The following CDK14 variants were observed in gnomAD, a reference collection of about 807,000 sequenced individuals.
The protein encoded by CDK14 is cyclin-dependent kinase 14.
Under a neutral mutation model 60.7 loss-of-function variants are expected in CDK14, and 34 were observed. The observed-to-expected ratio is 0.56, with a 90% confidence interval of 0.43 to 0.75. CDK14 has a LOEUF of 0.75. Among genes scored for constraint, CDK14 ranks in the 30% least tolerant of loss-of-function variants. The probability of loss-of-function intolerance (pLI) is 0.00; values close to 1 mark genes in which losing one functional copy is unlikely to be tolerated. For synonymous variants in CDK14, 197 were observed against 203.7 expected, an observed-to-expected ratio of 0.97 and a Z score of 0.28; for missense variants, 482 against 564.1, an observed-to-expected ratio of 0.85 and a Z score of 1.47.
intron 4 of CDK14, among the ~76,000 whole-genome samples, chr7:90,790,087 A>G (rs932333181): frequency 1.4e-5 from 2 of 138,828 alleles, no homozygotes; most frequent in Non-Finnish European, 3.0e-5. Context: ...AAACAAAAAA[A>G]GGGGAATTTT....
chr7:91,022,332 T>C (rs1796453661), intron 10 of CDK14, among the ~76,000 whole-genome samples: 1 of 152,218 alleles, frequency 6.6e-6, no homozygotes, highest in Non-Finnish European at 1.5e-5. Flanking sequence ...TTCTCACTAT[T>C]GACCTTTTGA....
intron 5 of CDK14, among the ~76,000 whole-genome samples, chr7:90,826,354 G>A (rs538210775): frequency 9.5e-4 from 145 of 152,166 alleles, no homozygotes; most frequent in African/African-American, 3.3e-3. Flanking sequence ...GAGTAGCTGG[G>A]ACTACTGGCG....
intron 2 of CDK14, among the ~76,000 whole-genome samples, chr7:90,634,577 G>A (rs1051835347): frequency 1.6e-4 from 24 of 151,980 alleles, no homozygotes; most frequent in African/African-American, 4.4e-4. Flanking sequence ...ATTGTGAATA[G>A]TGCCTCAGTA....
chr7:91,160,804 G>A (rs973140576), intron 14 of CDK14, among the ~76,000 whole-genome samples: 3 of 152,010 alleles, frequency 2.0e-5, no homozygotes, highest in Non-Finnish European at 4.4e-5. Context: ...AGAATATAAG[G>A]GGTCACTACA....
intron 2 of CDK14, among the ~76,000 whole-genome samples, chr7:90,639,301 T>G (rs1328862689): frequency 6.6e-6 from 1 of 151,866 alleles, no homozygotes; most frequent in Non-Finnish European, 1.5e-5. Context: ...TACAGATGGG[T>G]TTTTGGTGTG....
chr7:90,643,011 T>G (rs527441296), intron 2 of CDK14, among the ~76,000 whole-genome samples: 1 of 152,270 alleles, frequency 6.6e-6, no homozygotes, highest in South Asian at 2.1e-4. Flanking sequence ...GTTCCACATC[T>G]CGTGGGGAAA....
chr7:91,129,721 A>C (rs1370199640), intron 14 of CDK14, among the ~76,000 whole-genome samples: 1 of 152,188 alleles, frequency 6.6e-6, no homozygotes, highest in Non-Finnish European at 1.5e-5. Flanking sequence ...AGAGCTTTCA[A>C]TAGAAAATTT....
intron 2 of CDK14, among the ~76,000 whole-genome samples, chr7:90,715,202 G>T (rs1042587240): frequency 6.6e-6 from 1 of 152,072 alleles, no homozygotes; most frequent in African/African-American, 2.4e-5. Context: ...GAAGCCAGGG[G>T]TGGTTTAGTG....
intron 11 of CDK14, among the ~76,000 whole-genome samples, chr7:91,053,654 C>T (rs1001598888): frequency 1.6e-4 from 24 of 152,206 alleles, no homozygotes; most frequent in African/African-American, 5.6e-4. Context: ...ATCGGAACTG[C>T]CCACTTTCCT....
intron 10 of CDK14, among the ~76,000 whole-genome samples, chr7:91,013,522 C>T (rs1796217588): frequency 6.6e-6 from 1 of 152,188 alleles, no homozygotes; most frequent in Non-Finnish European, 1.5e-5. Flanking sequence ...AGCTTTTTCT[C>T]CTTTCCTGTT....
chr7:90,601,895 G>A (rs1437530671), intron 1 of CDK14, among the ~76,000 whole-genome samples: 3 of 151,840 alleles, frequency 2.0e-5, no homozygotes, highest in Non-Finnish European at 4.4e-5. Flanking sequence ...TGGAACCACA[G>A]GGCACCACCA....
At chr7:90,669,629 A>G (rs1054206403) in intron 2 of CDK14, among the ~76,000 whole-genome samples, 6 of 152,216 alleles carry the variant, frequency 3.9e-5, no homozygotes, top group African/African-American at 4.8e-5. Flanking sequence ...TTAACTATCA[A>G]TTAAACAGCT....
chr7:90,720,596 A>T (rs990761612), intron 2 of CDK14, among the ~76,000 whole-genome samples: 3 of 152,148 alleles, frequency 2.0e-5, no homozygotes, highest in African/African-American at 7.2e-5. Flanking sequence ...GATTATTTTG[A>T]CATATTCTAG....
chr7:91,089,895 A>G (rs1798751769), intron 12 of CDK14, among the ~76,000 whole-genome samples: 1 of 152,136 alleles, frequency 6.6e-6, no homozygotes, highest in African/African-American at 2.4e-5. Context: ...ATTTCTTGTC[A>G]CCCTTTACTG....
chr7:91,102,471 G>A (rs1458105221), intron 12 of CDK14, among the ~76,000 whole-genome samples: 2 of 152,076 alleles, frequency 1.3e-5, no homozygotes, highest in African/African-American at 2.4e-5. Context: ...TTTATATCCA[G>A]TTTTCATGAG....
intron 14 of CDK14, among the ~76,000 whole-genome samples, chr7:91,164,950 C>A (rs1006587494): frequency 1.6e-4 from 24 of 152,118 alleles, no homozygotes; most frequent in African/African-American, 5.6e-4. Flanking sequence ...CACTAACTTG[C>A]CACAGATACA....
intron 9 of CDK14, among the ~76,000 whole-genome samples, chr7:90,964,098 G>T (rs761078943): frequency 2.0e-5 from 3 of 152,164 alleles, no homozygotes; most frequent in Admixed American, 1.3e-4. Flanking sequence ...AGTAACAAGC[G>T]TCATGGCAGT....
chr7:90,812,525 A>G (rs1199200095), intron 5 of CDK14, among the ~76,000 whole-genome samples: 1 of 152,170 alleles, frequency 6.6e-6, no homozygotes, highest in African/African-American at 2.4e-5. Flanking sequence ...TTAAATGACG[A>G]GTTGCTGGGT....
At position 91,009,185 on chromosome 7, in the gene CDK14, G is replaced by T. The variant is rs1411009903; in HGVS notation, c.1041+24944G>T. Among the ~76,000 whole-genome samples, 6 of 152,180 alleles carry T rather than the reference G, an allele frequency of 3.9e-5. No homozygotes were observed. In the East Asian group the frequency reaches 9.7e-4, roughly 25 times the overall value. ...TATTTTGAGATCCATCCATGTTGTT[G>T]CTAGTGTCAGTTGTTTATTCTTTTT... On this transcript the variant is annotated intron_variant, in intron 10 of 14. Transcript: ENST00000380050.
Sources: allele counts gnomAD v4.1 joint callset (sites outside exome capture counted in the v4.1 genomes callset), GRCh38; gene constraint gnomAD v4.1.1; transcripts MANE v1.5; gene names NCBI Gene and HGNC (gene_info 2026-07-23, HGNC 2026-07-21).